The following GPD1L variants were observed in gnomAD, a reference collection of about 807,000 sequenced individuals.
GPD1L encodes glycerol-3-phosphate dehydrogenase 1-like protein.
A neutral mutation model predicts 32.9 loss-of-function variants in GPD1L; 17 were observed. The ratio of observed to expected loss-of-function variants is 0.52; its 90% confidence interval spans 0.35 to 0.78. The LOEUF is 0.78. Among genes scored for constraint, GPD1L ranks in the 30% least tolerant of loss-of-function variants. The pLI is 0.01. For missense variants in GPD1L, 361 were observed against 447.8 expected, an observed-to-expected ratio of 0.81 and a Z score of 1.75; for synonymous variants, 187 against 165.9, an observed-to-expected ratio of 1.13 and a Z score of -0.98.
At chr3:32,121,697 T>TTCTA (rs199707733) in intron 1 of GPD1L, among the ~76,000 whole-genome samples, 2 of 134,246 alleles carry the variant, frequency 1.5e-5, no homozygotes, top group African/African-American at 5.4e-5. Context: ...ATATATATAT[T>TTCTA]TATATATATA....
chr3:32,121,184 C>T (rs1254193779), intron 1 of GPD1L, among the ~76,000 whole-genome samples: 10 of 150,726 alleles, frequency 6.6e-5, no homozygotes, highest in Non-Finnish European at 1.0e-4. Flanking sequence ...TTTCTCCTCC[C>T]TTAGTCTCCC....
intron 7 of GPD1L, among the ~76,000 whole-genome samples, chr3:32,160,987 C>T (rs1269653842): frequency 6.6e-6 from 1 of 152,196 alleles, no homozygotes; most frequent in Non-Finnish European, 1.5e-5. Context: ...CTGAAGGGAG[C>T]TGGGCAGCTG....
rs114507170 is a variant in GPD1L, at chr3:32,136,824, A to G, written c.226-1763A>G. Among the ~76,000 whole-genome samples the G allele has an allele frequency of 1.6e-3, 242 of 152,142 alleles. 2 individuals carry two copies. The highest frequency in any genetic ancestry group is 5.6e-3 in the African/African-American group (231 of 41,488). On this transcript the variant is annotated intron_variant, in intron 2 of 7. Transcript: ENST00000282541. ...TGTAACCCTCAGTGTGATCAAGGCT[A>G]AGTTACCAAGGTTTTCAGCTCACAG...
chr3:32,106,879 G>A lies in GPD1L; in HGVS notation c.47+121G>A. On this transcript the variant is annotated intron_variant, in intron 1 of 7. Transcript: ENST00000282541. The surrounding 1 kb of genome is among the most constrained non-coding windows in gnomAD (Gnocchi z 4.0). ...CGGGCACTGCGCGCAGGGAGGCGGG[G>A]TGGGCGACCTCGTTGCTGGGCTGGG... 1.1e-6 allele frequency: 1 copy of A among 925,226 alleles called. No individual in the cohort carries two copies. The highest frequency in any genetic ancestry group is 3.3e-5 in the East Asian group (1 of 30,328). The allele number at this position is 925,226 out of a possible 1,614,324, so 57.3% of individuals were successfully genotyped here.
At chr3:32,154,755 CTT>C (rs35621451) in intron 5 of GPD1L, among the ~76,000 whole-genome samples, 66 of 147,140 alleles carry the variant, frequency 4.5e-4, no homozygotes, top group Admixed American at 2.5e-3. Flanking sequence ...TCCTAAGCTA[CTT>C]TTTTTTTTTT....
At chr3:32,121,685 CTATATATATATT>C (rs1575109261) in intron 1 of GPD1L, among the ~76,000 whole-genome samples, 1 of 125,460 alleles carries the variant, frequency 8.0e-6, no homozygotes, top group East Asian at 2.7e-4. Context: ...GTGTATATTT[CTATATATATATT>C]TATATATATA....
intron 1 of GPD1L, among the ~76,000 whole-genome samples, chr3:32,121,671 C>T (rs1344748664): frequency 1.6e-5 from 2 of 124,212 alleles, no homozygotes; most frequent in African/African-American, 6.1e-5. Flanking sequence ...ATATATATTT[C>T]TATGTGTATA....
intron 2 of GPD1L, among the ~76,000 whole-genome samples, chr3:32,129,687 C>T (rs1347974535): frequency 2.0e-5 from 3 of 152,142 alleles, no homozygotes; most frequent in Non-Finnish European, 4.4e-5. Context: ...GCCAGCATTT[C>T]CCTACAGTTA....
intron 1 of GPD1L, among the ~76,000 whole-genome samples, chr3:32,110,969 G>C (rs1311999967): frequency 6.6e-6 from 1 of 152,206 alleles, no homozygotes; most frequent in Non-Finnish European, 1.5e-5. Context: ...GGGTTCTAGC[G>C]ATTCTCATGC....
intron 5 of GPD1L, among the ~76,000 whole-genome samples, chr3:32,152,979 G>A (rs1700940776): frequency 6.6e-6 from 1 of 152,144 alleles, no homozygotes; most frequent in Non-Finnish European, 1.5e-5. Context: ...AAGGCAGGCT[G>A]GAAAATCATT....
At chr3:32,110,354 A>G (rs544741331) in intron 1 of GPD1L, among the ~76,000 whole-genome samples, 2 of 152,350 alleles carry the variant, frequency 1.3e-5, no homozygotes, top group Admixed American at 1.3e-4. Context: ...CAATTTTAAT[A>G]CAGATCACCA....
At chr3:32,117,341 T>C (rs1176524406) in intron 1 of GPD1L, among the ~76,000 whole-genome samples, 1 of 152,262 alleles carries the variant, frequency 6.6e-6, no homozygotes, top group Non-Finnish European at 1.5e-5. Flanking sequence ...TATTTCATTT[T>C]TCACTTTGTA....
intron 3 of GPD1L, among the ~76,000 whole-genome samples, chr3:32,139,154 A>G (rs943531884): frequency 6.6e-6 from 1 of 152,192 alleles, no homozygotes; most frequent in African/African-American, 2.4e-5. Flanking sequence ...ATGCATTTAA[A>G]TGTGGTGGAA....
At chr3:32,164,448 G>A (rs11129500) in intron 7 of GPD1L, among the ~76,000 whole-genome samples, 77,522 of 152,108 alleles carry the variant, frequency 0.51, 20,991 homozygotes, top group African/African-American at 0.69. Flanking sequence ...GAGCTTTCTC[G>A]GTCCAGGACA....
intron 2 of GPD1L, among the ~76,000 whole-genome samples, chr3:32,129,518 A>G (rs1294103452): frequency 2.6e-5 from 4 of 152,176 alleles, no homozygotes; most frequent in African/African-American, 7.2e-5. Context: ...TTTTGATTAT[A>G]TAGTGGAGGA....
rs1701174475 is a variant in GPD1L at position 32,168,115 on chromosome 3, G to A, written c.*2205G>A. ...TCTTACTCTGGGTTTGTACTCGAGT[G>A]TTATTTCTTTACAAATGCCCTTGTA... is the stretch of plus-strand genomic sequence containing the variant. On this transcript the variant is annotated 3_prime_UTR_variant, in exon 8 of 8. Coordinates refer to ENST00000282541, the MANE Select transcript of GPD1L (RefSeq NM_015141.4). The A allele has an allele frequency of 1.3e-5, 2 of 152,194 alleles. No homozygotes were observed. The highest frequency in any genetic ancestry group is 2.9e-5 in the Non-Finnish European group (2 of 68,024). 9.4% of individuals were successfully genotyped at this position (152,194 alleles called of 1,614,324 possible).
At chr3:32,140,611 C>G (rs373220187) in intron 4 of GPD1L, among the ~76,000 whole-genome samples, 14 of 152,126 alleles carry the variant, frequency 9.2e-5, no homozygotes, top group African/African-American at 3.4e-4. Context: ...TTGCTGTGAT[C>G]CAATAATGAA....
chr3:32,123,791 A>AAGATAGATAGAT (rs564716825), intron 1 of GPD1L, among the ~76,000 whole-genome samples: 14,306 of 126,732 alleles, frequency 0.11, 899 homozygotes, highest in East Asian at 0.18. Flanking sequence ...CAGGAATTGA[A>AAGATAGATAGAT]AGATAGATAG....
At chr3:32,121,624 TTATATATATTTCTATATATATAA>T (rs1452726054) in intron 1 of GPD1L, among the ~76,000 whole-genome samples, 6 of 65,882 alleles carry the variant, frequency 9.1e-5, no homozygotes, top group African/African-American at 5.4e-4. Context: ...TCTATATATA[TTATATATATTTCTATATATATAA>T]TATATATATT....
Sources: allele counts gnomAD v4.1 joint callset (sites outside exome capture counted in the v4.1 genomes callset), GRCh38; gene constraint gnomAD v4.1.1; non-coding constraint Gnocchi (gnomAD v3.1); transcripts MANE v1.5; gene names NCBI Gene and HGNC (gene_info 2026-07-23, HGNC 2026-07-21).